The following HERC5 variants were observed in gnomAD, a reference collection of about 807,000 sequenced individuals.
HERC5 encodes E3 ISG15--protein ligase HERC5.
In HERC5, 99 loss-of-function variants were observed where a neutral mutation model predicts 119.6. That is an observed-to-expected ratio of 0.83 (90% CI 0.70 to 0.98). The LOEUF is 0.98. HERC5 is among the 50% of genes least tolerant of loss of function. The probability of loss-of-function intolerance (pLI) is 0.00; values close to 1 mark genes in which losing one functional copy is unlikely to be tolerated. For missense variants in HERC5, 1,267 were observed against 1,241.3 expected, an observed-to-expected ratio of 1.02 and a Z score of -0.31; for synonymous variants, 478 against 445.9, an observed-to-expected ratio of 1.07 and a Z score of -0.91.
intron 9 of HERC5, 126 bp downstream of exon 9, chr4:88,469,386 G>A: frequency 2.9e-6 from 2 of 698,756 alleles, no homozygotes; most frequent in Admixed American, 2.3e-5. Context: ...CATAGGATAT[G>A]TGTGTATTTC....
In HERC5 at chr4:88,486,227, T is replaced by TG; in HGVS notation, c.1851+1dup. The TG allele has an allele frequency of 6.4e-7, 1 of 1,571,680 alleles. No individual in the cohort carries two copies. Among genetic ancestry groups the TG allele is most frequent in the Non-Finnish European group, 8.7e-7 (1 of 1,142,966 alleles). ...AGAAGGTACTTGTGGAAAATGACTGTGGTAGGTATAGCATGTTTAAAGGGG... is the reference window on the plus strand; with the variant it reads ...AGAAGGTACTTGTGGAAAATGACTGTGGGTAGGTATAGCATGTTTAAAGGGG... On this transcript the variant is annotated frameshift_variant and splice_region_variant, in exon 14 of 23. Transcript: ENST00000264350. LOFTEE classifies it high-confidence loss of function.
At chr4:88,458,271 C>G (rs1477315093) in intron 1 of HERC5, among the ~76,000 whole-genome samples, 3 of 151,910 alleles carry the variant, frequency 2.0e-5, no homozygotes, top group African/African-American at 2.4e-5. Flanking sequence ...GTTTTTAGTG[C>G]ATTTTTTGGG....
intron 16 of HERC5, 45 bp downstream of exon 16, chr4:88,489,381 A>G (rs1741562033): frequency 1.3e-6 from 2 of 1,515,654 alleles, no homozygotes; most frequent in East Asian, 4.6e-5. Flanking sequence ...TGAGAAAAGA[A>G]AAACATAAAA....
chr4:88,473,483 C>G (rs1053462602), intron 11 of HERC5: 6 of 152,196 alleles, frequency 3.9e-5, no homozygotes, highest in Non-Finnish European at 8.8e-5. Context: ...CTCATTCGCT[C>G]CTTTCTTTCA....
chr4:88,474,634 C>G (rs1293944245), intron 11 of HERC5, among the ~76,000 whole-genome samples: 1 of 152,160 alleles, frequency 6.6e-6, no homozygotes, highest in African/African-American at 2.4e-5. Flanking sequence ...ACAGATATCA[C>G]TTAGCCACTA....
intron 13 of HERC5, among the ~76,000 whole-genome samples, chr4:88,483,094 A>C (rs569669858): frequency 6.6e-6 from 1 of 152,218 alleles, no homozygotes; most frequent in South Asian, 2.1e-4. Flanking sequence ...TATGATGTTA[A>C]ATAGAAGTGG....
chr4:88,487,113 T>C lies in HERC5; in HGVS notation c.1896T>C (p.Phe632=), dbSNP rs191975349. The C allele has an allele frequency of 1.1e-4, 176 of 1,612,234 alleles. 1 individual carries two copies. The highest frequency in any genetic ancestry group is 3.6e-4 in the Middle Eastern group (2 of 5,570). Residue 632 remains phenylalanine, a synonymous_variant, in exon 15 of 23, where the codon TTT becomes TTC. Transcript: ENST00000264350. ...AATGCTGCGTCATATTCAGTCACTT[T>C]CCATTTATCTTTAATAATCTGTCGA... ...NVQCCVIFSH[F]PFIFNNLSKI...
intron 16 of HERC5, 31 bp downstream of exon 16, chr4:88,489,367 C>G (rs760076500): frequency 1.3e-6 from 2 of 1,551,498 alleles, no homozygotes; most frequent in African/African-American, 1.4e-5. Flanking sequence ...AATGTTTTTG[C>G]TGCTGAGAAA....
At chr4:88,467,343 TAAAC>T in intron 7 of HERC5, 139 bp downstream of exon 7, 1 of 788,626 alleles carries the variant, frequency 1.3e-6, no homozygotes, top group South Asian at 1.9e-5. Flanking sequence ...TTTTTACTGG[TAAAC>T]AATTCAAGAG....
intron 12 of HERC5, among the ~76,000 whole-genome samples, chr4:88,477,767 A>G (rs1227767412): frequency 6.6e-6 from 1 of 152,230 alleles, no homozygotes; most frequent in Non-Finnish European, 1.5e-5. Context: ...GATTTTTGAC[A>G]TACATAGCAT....
intron 18 of HERC5, among the ~76,000 whole-genome samples, chr4:88,499,315 A>T (rs1741885101): frequency 6.6e-6 from 1 of 152,254 alleles, no homozygotes; most frequent in African/African-American, 2.4e-5. Context: ...GAATGAGCAA[A>T]TACAATGAGA....
intron 11 of HERC5, among the ~76,000 whole-genome samples, chr4:88,474,123 G>A (rs561313393): frequency 6.6e-6 from 1 of 152,332 alleles, no homozygotes; most frequent in Admixed American, 6.5e-5. Flanking sequence ...TGCTTTAGAA[G>A]CTCATGGTGT....
chr4:88,480,253 A>G (rs913317200), intron 13 of HERC5, among the ~76,000 whole-genome samples: 6 of 151,998 alleles, frequency 3.9e-5, no homozygotes, highest in South Asian at 2.1e-4. Flanking sequence ...TAATTTTGCT[A>G]TTTTCAAAAT....
chr4:88,499,368 G>C (rs192695609), intron 18 of HERC5, among the ~76,000 whole-genome samples: 9 of 152,322 alleles, frequency 5.9e-5, no homozygotes, highest in Admixed American at 4.6e-4. Flanking sequence ...TAGGATGATA[G>C]GATGGAAATA....
chr4:88,492,459 G>T (rs1182383327), intron 16 of HERC5, among the ~76,000 whole-genome samples: 4 of 151,878 alleles, frequency 2.6e-5, no homozygotes, highest in African/African-American at 4.8e-5. Context: ...AATTTAGGCT[G>T]TAGGCCGGGT....
intron 9 of HERC5, 152 bp from the exon 10 acceptor site, chr4:88,470,462 A>G: frequency 4.0e-6 from 2 of 494,024 alleles, no homozygotes; most frequent in Non-Finnish European, 7.5e-6. Flanking sequence ...AAGCCAAGCC[A>G]AGGTAATATG....
intron 6 of HERC5, 45 bp from the exon 7 acceptor site, chr4:88,467,014 A>G (rs746828656): frequency 1.3e-6 from 2 of 1,596,306 alleles, no homozygotes. Context: ...CACTCTCATC[A>G]TTGTGGATAA....
Position 88,457,451 on chromosome 4 carries a change from G to T in HERC5, c.182G>T (p.Gly61Val). 1.5e-6 allele frequency: 2 copies of T among 1,349,034 alleles called. No individual in the cohort carries two copies. The highest frequency in any genetic ancestry group is 3.9e-5 in the South Asian group (2 of 50,890). The allele number at this position is 1,349,034 out of a possible 1,614,324, so 83.6% of individuals were successfully genotyped here. A position where few individuals can be genotyped will look rare whatever the true frequency, so the allele number is the denominator to read the frequency against. The stretch of plus-strand genomic sequence containing the variant: ...ACGCGCCAACTCTGCTGCTCGCCGG[G>T]GCGCCTCGCGGTCTTGGAACGCGGC... ...EVTRQLCCSPGRLAVLERGGA... is the reference protein window; with the variant it reads ...EVTRQLCCSPVRLAVLERGGA... The change falls in exon 1 of 23, where the codon GGG becomes GTG. Residue 61 changes from glycine (G) to valine (V), a missense_variant. Coordinates refer to ENST00000264350, the MANE Select transcript of HERC5 (RefSeq NM_016323.4).
In HERC5 at chr4:88,505,870, T is replaced by G. The variant is rs749748925; in HGVS notation, c.3067T>G (p.Phe1023Val). Residue 1023 changes from phenylalanine (F) to valine (V), a missense_variant, in exon 23 of 23, where the codon TTT (phenylalanine) becomes GTT (valine). Phe to Val is a conservative substitution (Grantham distance 50). This residue lies in a region of HERC5 where 473 missense variants were observed against 445.7 expected (regional missense o/e 1.06). Coordinates refer to ENST00000264350, the MANE Select transcript of HERC5 (RefSeq NM_016323.4). The part of the protein sequence containing the change: ...LQEAINNNRG[F>V]G Reference sequence around the variant, plus strand: ...AGAAGCCATCAACAACAACAGAGGATTTGGCTGACCAGCTTGCTTGTCCAA... The same window carrying G: ...AGAAGCCATCAACAACAACAGAGGAGTTGGCTGACCAGCTTGCTTGTCCAA... 16 of 1,608,284 alleles carry G rather than the reference T, an allele frequency of 9.9e-6. No homozygotes were observed. The South Asian group carries it at 1.7e-4, about 17-fold the overall frequency.
Sources: gnomAD v4.1 joint callset for allele counts (sites outside exome capture counted in the v4.1 genomes callset) on GRCh38, gnomAD v4.1.1 for gene constraint, gnomAD v4.1.1 regional missense constraint, MANE v1.5 for transcripts, NCBI Gene and HGNC (gene_info 2026-07-23, HGNC 2026-07-21) for gene names.